PARD3B: variants seen among roughly 807,000 people sequenced by gnomAD.
PARD3B encodes par-3 family cell polarity regulator beta.
A neutral mutation model predicts 130.2 loss-of-function variants in PARD3B; 103 were observed. The ratio of observed to expected loss-of-function variants is 0.79; its 90% CI spans 0.67 to 0.93. PARD3B has a LOEUF of 0.93. PARD3B is among the 40% of genes least tolerant of loss of function. The pLI is 0.00. For synonymous variants in PARD3B, 583 were observed against 553.2 expected, an observed-to-expected ratio of 1.05 and a Z score of -0.76; for missense variants, 1,609 against 1,499.2, an observed-to-expected ratio of 1.07 and a Z score of -1.21.
Position 205,015,996 on chromosome 2 carries a change from A to G in PARD3B, c.395-31585A>G, listed in dbSNP as rs990370147. ...AAGTTGATTTGCCTGGAAATGCAAAATGGGAAAAATTGGTTTTGTCTCTCC... is the reference window on the plus strand; with the variant it reads ...AAGTTGATTTGCCTGGAAATGCAAAGTGGGAAAAATTGGTTTTGTCTCTCC... On this transcript the variant is annotated intron_variant, in intron 3 of 22. Transcript: ENST00000406610. This position sits in a 1 kb window ranked among gnomAD's most constrained non-coding sequence, Gnocchi z 4.5. Among the ~76,000 whole-genome samples, 2 of 152,146 alleles carry G rather than the reference A, an allele frequency of 1.3e-5. No individual in the cohort carries two copies. The highest frequency in any genetic ancestry group is 2.9e-5 in the Non-Finnish European group (2 of 68,034).
intron 1 of PARD3B, among the ~76,000 whole-genome samples, chr2:204,679,454 A>G (rs1021904862): frequency 3.3e-5 from 5 of 152,272 alleles, no homozygotes; most frequent in Non-Finnish European, 5.9e-5. Context: ...AGTGTACTAG[A>G]ATTCTAGTTG....
At chr2:205,311,576 CACTA>C (rs909571295) in intron 18 of PARD3B, among the ~76,000 whole-genome samples, 4 of 152,152 alleles carry the variant, frequency 2.6e-5, no homozygotes, top group South Asian at 2.1e-4. Flanking sequence ...GTTTGGAACC[CACTA>C]ACTTTTTCTT....
At position 205,364,962 on chromosome 2, in the gene PARD3B, G is replaced by A. The variant is rs373579275; in HGVS notation, c.2631-36051G>A. ...CACGCCTGTAATCCCAGCACTTTGA[G>A]AGGCCAAGGCGAGTAGATCACGAGG... On this transcript the variant is annotated intron_variant, in intron 18 of 22. Transcript: ENST00000406610. Among the ~76,000 whole-genome samples the A allele has an allele frequency of 2.1e-4, 32 of 152,260 alleles. No individual in the cohort carries two copies. In the East Asian group the frequency reaches 5.4e-3, roughly 26 times the overall value.
intron 2 of PARD3B, among the ~76,000 whole-genome samples, chr2:204,954,798 A>G (rs1432286806): frequency 6.6e-6 from 1 of 152,222 alleles, no homozygotes; most frequent in African/African-American, 2.4e-5. Context: ...CATACAGCTC[A>G]AGTATATGCA....
chr2:205,464,870 T>C (rs972035005), intron 20 of PARD3B, among the ~76,000 whole-genome samples: 6 of 152,140 alleles, frequency 3.9e-5, no homozygotes, highest in African/African-American at 1.4e-4. Flanking sequence ...CTACCCTTCT[T>C]TGGGTTAGTG....
chr2:204,888,958 C>T (rs2046356891), intron 2 of PARD3B, among the ~76,000 whole-genome samples: 1 of 151,816 alleles, frequency 6.6e-6, no homozygotes, highest in Admixed American at 6.6e-5. Flanking sequence ...ACTGTTTATC[C>T]CTAGATAACC....
At chr2:205,538,743 C>T (rs1378318392) in intron 21 of PARD3B, among the ~76,000 whole-genome samples, 3 of 152,158 alleles carry the variant, frequency 2.0e-5, no homozygotes, top group African/African-American at 7.2e-5. Flanking sequence ...TGGAAATGAA[C>T]TCTACAGGGC....
chr2:205,305,058 C>T (rs1400975218), intron 18 of PARD3B, among the ~76,000 whole-genome samples: 1 of 152,126 alleles, frequency 6.6e-6, no homozygotes, highest in Non-Finnish European at 1.5e-5. Flanking sequence ...AATAGAAGGG[C>T]ATTTGAGTGA....
chr2:205,037,267 A>C (rs1449342491), intron 3 of PARD3B, among the ~76,000 whole-genome samples: 1 of 146,038 alleles, frequency 6.8e-6, no homozygotes, highest in Non-Finnish European at 1.5e-5. Flanking sequence ...ATAGTGGACT[A>C]TTTGTATAAA....
chr2:204,741,273 T>G (rs2039998042), intron 2 of PARD3B, among the ~76,000 whole-genome samples: 1 of 152,196 alleles, frequency 6.6e-6, no homozygotes, highest in African/African-American at 2.4e-5. Context: ...AAATTATATT[T>G]GCCTTGTTCC....
intron 1 of PARD3B, among the ~76,000 whole-genome samples, chr2:204,585,494 T>A (rs1030703983): frequency 2.7e-5 from 4 of 149,668 alleles, no homozygotes; most frequent in Non-Finnish European, 5.9e-5. Flanking sequence ...CCACCATGCC[T>A]GGCTCTTTTT....
intron 1 of PARD3B, among the ~76,000 whole-genome samples, chr2:204,621,226 A>G (rs1416708846): frequency 6.6e-6 from 1 of 152,204 alleles, no homozygotes; most frequent in Non-Finnish European, 1.5e-5. Flanking sequence ...GAAGGTATTA[A>G]CTGTCAAAAG....
intron 2 of PARD3B, among the ~76,000 whole-genome samples, chr2:204,914,376 C>T (rs1274457458): frequency 6.6e-6 from 1 of 152,166 alleles, no homozygotes; most frequent in Non-Finnish European, 1.5e-5. Flanking sequence ...GTTAGGAAGT[C>T]AAAGCCATTT....
chr2:204,906,406 G>GGT lies in PARD3B; in HGVS notation c.223-58733_223-58732dup, dbSNP rs142202127. Among the ~76,000 whole-genome samples the GGT allele has an allele frequency of 1.6e-4, 25 of 151,788 alleles. No homozygotes were observed. Among genetic ancestry groups the GGT allele is most frequent in the South Asian group, 8.3e-4 (4 of 4,806 alleles). ...TCCCCCTTTGTTTTCTCTTTTCATT[G>GGT]GTGTGTGTGTGTGTATGTATAAATG... On this transcript the variant is annotated intron_variant, in intron 2 of 22. Transcript: ENST00000406610. The surrounding 1 kb of genome is among the most constrained non-coding windows in gnomAD (Gnocchi z 4.3).
chr2:204,688,995 G>T (rs1360763613), intron 2 of PARD3B, among the ~76,000 whole-genome samples: 1 of 152,158 alleles, frequency 6.6e-6, no homozygotes, highest in Non-Finnish European at 1.5e-5. Context: ...TTAAGGAACT[G>T]TTGGTCTATT....
At chr2:204,696,199 A>G (rs2037601633) in intron 2 of PARD3B, among the ~76,000 whole-genome samples, 1 of 151,950 alleles carries the variant, frequency 6.6e-6, no homozygotes, top group Non-Finnish European at 1.5e-5. Flanking sequence ...AAGAAATAAA[A>G]TGGAAAGTTG....
At chr2:204,701,777 T>C (rs2037906595) in intron 2 of PARD3B, among the ~76,000 whole-genome samples, 2 of 152,124 alleles carry the variant, frequency 1.3e-5, no homozygotes, top group African/African-American at 4.8e-5. Flanking sequence ...GGGGTACATG[T>C]ACGGGTTTGT....
Position 205,176,512 on chromosome 2 carries a change from C to A in PARD3B, c.1859C>A (p.Ser620Tyr). 6.2e-7 allele frequency: 1 copy of A among 1,612,850 alleles called. No individual in the cohort carries two copies. Among genetic ancestry groups the A allele is most frequent in the Non-Finnish European group, 8.5e-7 (1 of 1,179,112 alleles). ...FENCQNAVTT[S>Y]RRNDNSILHP... ...AACTGTCAAAATGCTGTAACCACCTCTAGGCGAAATGATAATAGTATCCTG... is the reference window on the plus strand; with the variant it reads ...AACTGTCAAAATGCTGTAACCACCTATAGGCGAAATGATAATAGTATCCTG... Residue 620 changes from serine to tyrosine, a missense_variant, in exon 13 of 23, where the codon TCT becomes TAT. By Grantham distance (144) the Ser-to-Tyr change is moderately radical. Coordinates refer to ENST00000406610, the MANE Select transcript of PARD3B (RefSeq NM_001302769.2). The surrounding 1 kb of genome is among the most constrained non-coding windows in gnomAD (Gnocchi z 5.3).
At chr2:205,403,384 A>T (rs1460466461) in intron 19 of PARD3B, among the ~76,000 whole-genome samples, 1 of 152,242 alleles carries the variant, frequency 6.6e-6, no homozygotes, top group African/African-American at 2.4e-5. Flanking sequence ...AGCCATTGGC[A>T]GTTCGACATT....
Sources: gnomAD v4.1 joint callset for allele counts (sites outside exome capture counted in the v4.1 genomes callset) on GRCh38, gnomAD v4.1.1 for gene constraint, Gnocchi (gnomAD v3.1) non-coding constraint, MANE v1.5 for transcripts, NCBI Gene and HGNC (gene_info 2026-07-23, HGNC 2026-07-21) for gene names.